HIVEP1: variants seen among roughly 807,000 people sequenced by gnomAD.
HIVEP1 encodes the protein zinc finger protein 40.
A neutral mutation model predicts 180.0 loss-of-function variants in HIVEP1; 36 were observed. The ratio of observed to expected loss-of-function variants is 0.20; its 90% CI spans 0.15 to 0.26. HIVEP1 has a LOEUF of 0.26. Ranked by LOEUF, HIVEP1 falls within the 10% of genes least tolerant of loss-of-function variation. The pLI is 1.00. For synonymous variants in HIVEP1, 1,239 were observed against 1,239.0 expected (o/e 1.00, Z 0.00); for missense variants, 3,143 against 3,268.7 (o/e 0.96, Z 0.94).
chr6:12,113,210 A>G (rs550755864), intron 3 of HIVEP1, among the ~76,000 whole-genome samples: 1 of 150,552 alleles, frequency 6.6e-6, no homozygotes, highest in East Asian at 2.0e-4. Context: ...GGCATTCTAG[A>G]TTATGACTGT....
At chr6:12,059,249 G>A (rs1771073335) in intron 2 of HIVEP1, among the ~76,000 whole-genome samples, 1 of 152,124 alleles carries the variant, frequency 6.6e-6, no homozygotes, top group Admixed American at 6.5e-5. Flanking sequence ...TGTTGGCCAG[G>A]CTGGTCTCCA....
chr6:12,155,992 C>A (rs1760014420), intron 7 of HIVEP1, among the ~76,000 whole-genome samples: 1 of 152,174 alleles, frequency 6.6e-6, no homozygotes, highest in South Asian at 2.1e-4. Context: ...ATTTGCATTT[C>A]TCTAATGATC....
intron 2 of HIVEP1, among the ~76,000 whole-genome samples, chr6:12,034,826 A>G (rs935676145): frequency 1.3e-5 from 2 of 152,198 alleles, no homozygotes; most frequent in East Asian, 1.9e-4. Context: ...CTGGTCAAAT[A>G]GTGTGGTTTC....
chr6:12,061,407 G>A (rs1243319836), intron 2 of HIVEP1, among the ~76,000 whole-genome samples: 5 of 152,140 alleles, frequency 3.3e-5, no homozygotes, highest in Non-Finnish European at 7.4e-5. Flanking sequence ...TAATATGGTA[G>A]GTTAAACTGT....
chr6:12,144,693 A>G (rs543905475), intron 7 of HIVEP1, among the ~76,000 whole-genome samples: 16 of 152,358 alleles, frequency 1.1e-4, no homozygotes, highest in African/African-American at 3.1e-4. Context: ...AAACAACCCC[A>G]TCCAAAAGTG....
intron 2 of HIVEP1, among the ~76,000 whole-genome samples, chr6:12,081,846 TCTGTC>T (rs1257604386): frequency 6.6e-6 from 1 of 152,114 alleles, no homozygotes; most frequent in Non-Finnish European, 1.5e-5. Flanking sequence ...CCCTCTCTCC[TCTGTC>T]CTGTCCCATA....
chr6:12,064,096 T>G (rs1177865873), intron 2 of HIVEP1, among the ~76,000 whole-genome samples: 1 of 152,180 alleles, frequency 6.6e-6, no homozygotes, highest in Non-Finnish European at 1.5e-5. Context: ...CCCTAGAGCT[T>G]TCTTCTCTAA....
chr6:12,015,458 G>A, intron 1 of HIVEP1, 68 bp from the exon 2 acceptor site: 1 of 589,476 alleles, frequency 1.7e-6, no homozygotes, highest in East Asian at 2.9e-5. Flanking sequence ...CTGCTAGGCA[G>A]TAACTTTTAA....
chr6:12,072,500 C>A (rs936900626), intron 2 of HIVEP1, among the ~76,000 whole-genome samples: 2 of 152,048 alleles, frequency 1.3e-5, no homozygotes, highest in Non-Finnish European at 2.9e-5. Context: ...TCCCTGGGTT[C>A]ACCGAGCCTC....
chr6:12,011,622 T>C (rs1259425611), upstream of HIVEP1, among the ~76,000 whole-genome samples: 13 of 129,288 alleles, frequency 1.0e-4, no homozygotes, highest in African/African-American at 3.7e-4. Context: ...CTCCCGTCCC[T>C]GCGGCGGCTC....
At chr6:12,169,484 C>G (rs901166386), downstream of HIVEP1, among the ~76,000 whole-genome samples, 1 of 152,142 alleles carries the variant, frequency 6.6e-6, no homozygotes, top group African/African-American at 2.4e-5. Flanking sequence ...TAAGTACCAA[C>G]CAACTCCAAA....
At chr6:12,139,269 G>A (rs1424783842) in intron 7 of HIVEP1, among the ~76,000 whole-genome samples, 4 of 152,032 alleles carry the variant, frequency 2.6e-5, no homozygotes, top group East Asian at 1.9e-4. Flanking sequence ...GCAGCCACAC[G>A]GGTCTCCTGC....
the HIVEP1 span, among the ~76,000 whole-genome samples, chr6:12,204,200 A>T: frequency 6.6e-6 from 1 of 152,164 alleles, no homozygotes; most frequent in Admixed American, 6.5e-5. Flanking sequence ...AGTCAGATGG[A>T]CACACCCAGT....
rs2113618951 is a variant in HIVEP1, at chr6:12,143,002, G to C, written c.6487+7110G>C. 1.3e-5 allele frequency among the ~76,000 whole-genome samples: 2 copies of C among 152,264 alleles called. 1 individual carries two copies. The highest frequency in any genetic ancestry group is 4.1e-4 in the South Asian group (2 of 4,830). On this transcript the variant is annotated intron_variant, in intron 7 of 8. Coordinates refer to ENST00000379388, the MANE Select transcript of HIVEP1 (RefSeq NM_002114.4). ...CCTTCTGAAACTATTCCAATCAATA[G>C]AAAAAGAGGGAATCCTCCCTAACTC...
At chr6:12,055,450 A>G (rs966615528) in intron 2 of HIVEP1, among the ~76,000 whole-genome samples, 1 of 152,184 alleles carries the variant, frequency 6.6e-6, no homozygotes, top group Non-Finnish European at 1.5e-5. Flanking sequence ...CCAGCCTGGC[A>G]ACAGAGTGAG....
At chr6:12,145,403 G>A (rs757977207) in intron 7 of HIVEP1, among the ~76,000 whole-genome samples, 1 of 151,340 alleles carries the variant, frequency 6.6e-6, no homozygotes, top group Non-Finnish European at 1.5e-5. Flanking sequence ...AGCATTAGGA[G>A]ATATACCTAA....
At position 12,074,588 on chromosome 6, in the gene HIVEP1, T is replaced by C. The variant is rs1047581817; in HGVS notation, c.41-14596T>C. On this transcript the variant is annotated intron_variant, in intron 2 of 8. Coordinates refer to ENST00000379388, the MANE Select transcript of HIVEP1 (RefSeq NM_002114.4). ...CTTGACATGGATTTAGGGGTCTCCATAGATCGCTGCAGTCCTTAATTGTAT... is the reference window on the plus strand; with the variant it reads ...CTTGACATGGATTTAGGGGTCTCCACAGATCGCTGCAGTCCTTAATTGTAT... Among the ~76,000 whole-genome samples the C allele has an allele frequency of 2.7e-5, 4 of 150,082 alleles. 1 individual carries two copies. Among genetic ancestry groups the C allele is most frequent in the South Asian group, 4.2e-4 (2 of 4,728 alleles).
intron 2 of HIVEP1, among the ~76,000 whole-genome samples, chr6:12,076,416 T>C (rs942575429): frequency 1.3e-5 from 2 of 152,228 alleles, no homozygotes; most frequent in Admixed American, 6.5e-5. Context: ...TTTAGTCTGT[T>C]TGTGCTTGCT....
the HIVEP1 span, among the ~76,000 whole-genome samples, chr6:12,207,626 G>A: frequency 6.6e-6 from 1 of 151,732 alleles, no homozygotes; most frequent in Non-Finnish European, 1.5e-5. Context: ...AGATTTGGCG[G>A]GGCATGGTGG....
Sources: gnomAD v4.1 joint callset for allele counts (sites outside exome capture counted in the v4.1 genomes callset) on GRCh38, gnomAD v4.1.1 for gene constraint, MANE v1.5 for transcripts, NCBI Gene and HGNC (gene_info 2026-07-23, HGNC 2026-07-21) for gene names.